The following SORCS1 variants were observed in gnomAD, a reference collection of about 807,000 sequenced individuals.
SORCS1 encodes the protein VPS10 domain-containing receptor SorCS1.
Under a neutral mutation model 146.1 loss-of-function variants are expected in SORCS1, and 60 were observed. The observed-to-expected ratio is 0.41, with a 90% confidence interval of 0.33 to 0.51. SORCS1 has a LOEUF of 0.51. Among genes scored for constraint, SORCS1 ranks in the 20% least tolerant of loss-of-function variants. The pLI is 0.21. For synonymous variants in SORCS1, 637 were observed against 584.0 expected (o/e 1.09, Z -1.31); for missense variants, 1,352 against 1,487.6 (o/e 0.91, Z 1.50).
At chr10:106,811,027 G>A (rs1054967505) in intron 3 of SORCS1, among the ~76,000 whole-genome samples, 4 of 150,702 alleles carry the variant, frequency 2.7e-5, no homozygotes, top group Non-Finnish European at 4.4e-5. Flanking sequence ...TGCAACCTCC[G>A]CCTCCTGGGT....
intron 6 of SORCS1, among the ~76,000 whole-genome samples, chr10:106,711,941 G>A (rs1393102336): frequency 6.6e-6 from 1 of 152,168 alleles, no homozygotes; most frequent in Non-Finnish European, 1.5e-5. Flanking sequence ...AAACAATGGA[G>A]ATTTATGACG....
chr10:106,813,426 C>T (rs1220246079), intron 3 of SORCS1, among the ~76,000 whole-genome samples: 1 of 151,778 alleles, frequency 6.6e-6, no homozygotes, highest in Non-Finnish European at 1.5e-5. Context: ...AACCACCGCG[C>T]CCGGCCTGAC....
intron 9 of SORCS1, among the ~76,000 whole-genome samples, chr10:106,692,505 G>A (rs962592290): frequency 6.6e-6 from 1 of 152,208 alleles, no homozygotes; most frequent in African/African-American, 2.4e-5. Context: ...TGGAGCTTCT[G>A]TACTGGACAA....
chr10:106,927,128 T>C (rs1953086379), intron 2 of SORCS1, among the ~76,000 whole-genome samples: 1 of 152,164 alleles, frequency 6.6e-6, no homozygotes, highest in Non-Finnish European at 1.5e-5. Context: ...TGTAATACTG[T>C]GTCCAGAATT....
chr10:107,014,290 G>A (rs1316244028), intron 1 of SORCS1, among the ~76,000 whole-genome samples: 32 of 147,828 alleles, frequency 2.2e-4, no homozygotes, highest in African/African-American at 8.4e-4. Context: ...AAAAAAGAGA[G>A]AGAGAGAGAG....
chr10:106,581,575 T>C (rs912503193), intron 24 of SORCS1, among the ~76,000 whole-genome samples: 1 of 152,030 alleles, frequency 6.6e-6, no homozygotes, highest in Admixed American at 6.6e-5. Context: ...TATATATGTA[T>C]GGATATGTAT....
At chr10:106,845,932 A>G (rs1474421481) in intron 2 of SORCS1, among the ~76,000 whole-genome samples, 1 of 124,084 alleles carries the variant, frequency 8.1e-6, no homozygotes, top group African/African-American at 2.6e-5. Flanking sequence ...GTTCTGTTCC[A>G]TTGATCTATA....
chr10:106,707,803 GTCTC>G (rs140779011), intron 7 of SORCS1, among the ~76,000 whole-genome samples: 4 of 151,404 alleles, frequency 2.6e-5, no homozygotes, highest in Admixed American at 1.3e-4. Flanking sequence ...GCACCACCAC[GTCTC>G]TCTCTCTCTC....
intron 6 of SORCS1, among the ~76,000 whole-genome samples, chr10:106,718,649 TG>T (rs1159488064): frequency 6.6e-6 from 1 of 152,256 alleles, no homozygotes; most frequent in African/African-American, 2.4e-5. Context: ...CACTGCTGGC[TG>T]GGGTGGCCAG....
chr10:106,992,787 C>T (rs1007838045), intron 1 of SORCS1, among the ~76,000 whole-genome samples: 2 of 150,690 alleles, frequency 1.3e-5, no homozygotes, highest in African/African-American at 4.9e-5. Flanking sequence ...TGCACCACTA[C>T]ACCAGGCCGA....
chr10:106,875,576 A>G (rs1950562979), intron 2 of SORCS1, among the ~76,000 whole-genome samples: 1 of 152,192 alleles, frequency 6.6e-6, no homozygotes, highest in Non-Finnish European at 1.5e-5. Flanking sequence ...TTACATTCCC[A>G]CCAGCAGTGT....
intron 1 of SORCS1, among the ~76,000 whole-genome samples, chr10:107,044,814 T>TAAAAAAA (rs71025575): frequency 1.1e-5 from 1 of 90,274 alleles, no homozygotes; most frequent in Non-Finnish European, 2.2e-5. Flanking sequence ...TGTGTCTCAA[T>TAAAAAAA]AAAAAAAAAA....
intron 1 of SORCS1, among the ~76,000 whole-genome samples, chr10:107,131,532 G>A (rs536127792): frequency 6.6e-6 from 1 of 152,080 alleles, no homozygotes; most frequent in Non-Finnish European, 1.5e-5. Context: ...AGACCAGCCT[G>A]GCCAACATGG....
intron 19 of SORCS1, among the ~76,000 whole-genome samples, chr10:106,624,858 G>A (rs1328716056): frequency 6.6e-6 from 1 of 152,162 alleles, no homozygotes; most frequent in Non-Finnish European, 1.5e-5. Flanking sequence ...CCTGGTTCCT[G>A]CTATCCAAAA....
At chr10:107,124,782 T>G (rs748704692) in intron 1 of SORCS1, among the ~76,000 whole-genome samples, 7 of 151,948 alleles carry the variant, frequency 4.6e-5, no homozygotes, top group Non-Finnish European at 7.4e-5. Context: ...AAAGCAACCG[T>G]GTATGAAACG....
chr10:106,882,054 T>C (rs1950821219), intron 2 of SORCS1, among the ~76,000 whole-genome samples: 1 of 152,184 alleles, frequency 6.6e-6, no homozygotes, highest in African/African-American at 2.4e-5. Context: ...TACAGTTGCT[T>C]CTGAGTTATT....
At chr10:106,588,469 A>G (rs2133250664) in intron 24 of SORCS1, among the ~76,000 whole-genome samples, 1 of 152,288 alleles carries the variant, frequency 6.6e-6, no homozygotes, top group South Asian at 2.1e-4. Context: ...CTTGTTATGC[A>G]GATGGATTTC....
chr10:107,112,792 T>C (rs1965779757), intron 1 of SORCS1, among the ~76,000 whole-genome samples: 1 of 152,078 alleles, frequency 6.6e-6, no homozygotes, highest in Admixed American at 6.5e-5. Flanking sequence ...ACAAAAAAGG[T>C]AGCTACATGA....
At chr10:106,602,511 T>TC (rs1846302513) in intron 23 of SORCS1, among the ~76,000 whole-genome samples, 1 of 62,182 alleles carries the variant, frequency 1.6e-5, no homozygotes, top group East Asian at 5.3e-4. Flanking sequence ...CATTCCTTCA[T>TC]AACACACACA....
Sources: allele counts gnomAD v4.1 joint callset (sites outside exome capture counted in the v4.1 genomes callset), GRCh38; gene constraint gnomAD v4.1.1; transcripts MANE v1.5; gene names NCBI Gene and HGNC (gene_info 2026-07-23, HGNC 2026-07-21).